The following ENDOD1 variants were observed in gnomAD, a reference collection of about 807,000 sequenced individuals.
ENDOD1 encodes endonuclease domain containing 1, also known as endonuclease domain-containing 1 protein.
Under a neutral mutation model 6.5 loss-of-function variants are expected in ENDOD1, and 9 were observed. The observed-to-expected ratio is 1.39, with a 90% CI of 0.84 to 2.43. The LOEUF (loss-of-function observed/expected upper bound fraction) is 2.43. Ranked by LOEUF, ENDOD1 falls within the 30% of genes most tolerant of loss-of-function variation. The pLI, the probability that ENDOD1 is intolerant of heterozygous loss-of-function variation, is 0.00. For missense variants in ENDOD1, 648 were observed against 635.5 expected, an observed-to-expected ratio of 1.02 and a Z score of -0.21; for synonymous variants, 255 against 255.2, an observed-to-expected ratio of 1.00 and a Z score of 0.01.
In ENDOD1 at chr11:95,129,805, C is replaced by G; in HGVS notation, c.*226C>G. 1.9e-6 allele frequency: 1 copy of G among 520,108 alleles called. No homozygotes were observed. Among genetic ancestry groups the G allele is most frequent in the Non-Finnish European group, 3.4e-6 (1 of 291,756 alleles). 32.2% of individuals were successfully genotyped at this position (520,108 alleles called of 1,614,324 possible). ...TGCTGTTTACCTCCAGTTATATGTG[C>G]AAACTCCCAAGCCACTAATAACTTC... On this transcript the variant is annotated 3_prime_UTR_variant, in exon 2 of 2. Transcript: ENST00000278505.
At chr11:95,128,193 A>G (rs1859330183) in intron 1 of ENDOD1, among the ~76,000 whole-genome samples, 184 bp from the exon 2 acceptor site, 1 of 152,230 alleles carries the variant, frequency 6.6e-6, no homozygotes, top group Admixed American at 6.5e-5. Flanking sequence ...AGATGCTTTG[A>G]AACACCAGGA....
chr11:95,111,525 A>G (rs1555111936), intron 1 of ENDOD1, among the ~76,000 whole-genome samples: 4 of 151,960 alleles, frequency 2.6e-5, no homozygotes, highest in Non-Finnish European at 2.9e-5. Context: ...AGATGGTCCC[A>G]TCTGGGGGTG....
Position 95,129,386 on chromosome 11 carries a change from T to C in ENDOD1, c.1310T>C (p.Val437Ala). 4 of 1,614,220 alleles carry C rather than the reference T, an allele frequency of 2.5e-6. No individual in the cohort carries two copies. In the South Asian group the frequency reaches 4.4e-5, roughly 18 times the overall value. ...ATCCCTGTCCGTGTCCTTGTGGATG[T>C]GGCCACTTTCCCTGTGTACACCATG... ...LSIPVRVLVD[V>A]ATFPVYTMGA... The change falls in exon 2 of 2, where the codon GTG (valine) becomes GCG (alanine). Residue 437 changes from valine to alanine, a missense_variant. Val to Ala is a moderately conservative substitution (Grantham distance 64). Coordinates refer to ENST00000278505, the MANE Select transcript of ENDOD1 (RefSeq NM_015036.3).
chr11:95,100,214 C>A (rs1859024676), intron 1 of ENDOD1, among the ~76,000 whole-genome samples: 1 of 152,092 alleles, frequency 6.6e-6, no homozygotes, highest in Non-Finnish European at 1.5e-5. Context: ...ACTCTAGGGC[C>A]CAAGTTCCCA....
At chr11:95,096,454 T>C (rs1555110343) in intron 1 of ENDOD1, among the ~76,000 whole-genome samples, 1 of 152,182 alleles carries the variant, frequency 6.6e-6, no homozygotes, top group East Asian at 1.9e-4. Flanking sequence ...ATTCCAGTCA[T>C]GCTTCATTGA....
Position 95,131,065 on chromosome 11 carries a change from A to C in ENDOD1, c.*1486A>C, listed in dbSNP as rs1204307704. On this transcript the variant is annotated 3_prime_UTR_variant, in exon 2 of 2. Transcript: ENST00000278505. ...CATTTGCATGGGGTCGATGGATGAG[A>C]AACATGAGCGTAGCAAGAGTTACAT... The C allele has an allele frequency of 6.6e-6, 1 of 152,252 alleles. No individual in the cohort carries two copies. The highest frequency in any genetic ancestry group is 1.5e-5 in the Non-Finnish European group (1 of 68,050). 9.4% of individuals were successfully genotyped at this position (152,252 alleles called of 1,614,324 possible).
chr11:95,115,533 A>G (rs1780478190), intron 1 of ENDOD1, among the ~76,000 whole-genome samples: 1 of 152,102 alleles, frequency 6.6e-6, no homozygotes, highest in Non-Finnish European at 1.5e-5. Context: ...CTTCCTAGCT[A>G]TGTTGCATAA....
At position 95,110,864 on chromosome 11, in the gene ENDOD1, A is replaced by G. The variant is rs1859142530; in HGVS notation, c.301-17513A>G. ...TTCTGGCCCTGTGGGATCCTCTGTC[A>G]CATCAAAACACTTGCACAAGGTTGA... On this transcript the variant is annotated intron_variant, in intron 1 of 1. Coordinates refer to ENST00000278505, the MANE Select transcript of ENDOD1 (RefSeq NM_015036.3). 2.6e-5 allele frequency among the ~76,000 whole-genome samples: 4 copies of G among 152,190 alleles called. No homozygotes were observed. The South Asian group carries it at 8.3e-4, about 32-fold the overall frequency.
intron 1 of ENDOD1, among the ~76,000 whole-genome samples, chr11:95,110,583 ATGTGTGTG>A (rs35270641): frequency 1.4e-5 from 2 of 147,688 alleles, no homozygotes; most frequent in Admixed American, 6.8e-5. Flanking sequence ...CCGTGTATGT[ATGTGTGTG>A]TGTGTGTGTG....
intron 1 of ENDOD1, among the ~76,000 whole-genome samples, chr11:95,097,824 C>T (rs1190460815): frequency 6.6e-6 from 1 of 152,000 alleles, no homozygotes; most frequent in Non-Finnish European, 1.5e-5. Context: ...AGGGTTTGGG[C>T]CTGAATAATC....
At chr11:95,119,158 TG>T (rs1365705704) in intron 1 of ENDOD1, among the ~76,000 whole-genome samples, 2 of 152,236 alleles carry the variant, frequency 1.3e-5, no homozygotes, top group African/African-American at 4.8e-5. Flanking sequence ...TCTCCAGGAT[TG>T]GTCCCTGGTG....
intron 1 of ENDOD1, among the ~76,000 whole-genome samples, chr11:95,104,219 G>C (rs759780394): frequency 1.3e-4 from 20 of 152,168 alleles, no homozygotes; most frequent in Non-Finnish European, 2.4e-4. Context: ...AAAGACCAAG[G>C]CTGGTGGATT....
At chr11:95,099,920 C>G (rs1345857682) in intron 1 of ENDOD1, among the ~76,000 whole-genome samples, 1 of 152,036 alleles carries the variant, frequency 6.6e-6, no homozygotes, top group Admixed American at 6.6e-5. Flanking sequence ...AATAGGAACC[C>G]CATAATGAAA....
At chr11:95,109,828 C>T (rs1166738022) in intron 1 of ENDOD1, among the ~76,000 whole-genome samples, 22 of 152,272 alleles carry the variant, frequency 1.4e-4, no homozygotes, top group Non-Finnish European at 1.5e-5. Flanking sequence ...CTCTTCACAT[C>T]AGCGGTGCCA....
At chr11:95,121,492 G>A (rs1859261633) in intron 1 of ENDOD1, among the ~76,000 whole-genome samples, 1 of 152,210 alleles carries the variant, frequency 6.6e-6, no homozygotes, top group Non-Finnish European at 1.5e-5. Flanking sequence ...TCCTCTTGCA[G>A]TGCTAGTCAT....
At chr11:95,115,531 C>A (rs1859200054) in intron 1 of ENDOD1, among the ~76,000 whole-genome samples, 1 of 152,004 alleles carries the variant, frequency 6.6e-6, no homozygotes, top group Admixed American at 6.6e-5. Context: ...AACTTCCTAG[C>A]TATGTTGCAT....
In ENDOD1 at chr11:95,128,891, C is replaced by T; in HGVS notation, c.815C>T (p.Thr272Ile). Residue 272 changes from threonine (T) to isoleucine (I), a missense_variant, in exon 2 of 2, where the codon ACT (threonine) becomes ATT (isoleucine). Coordinates refer to ENST00000278505, the MANE Select transcript of ENDOD1 (RefSeq NM_015036.3). ...PQLFQNNCGE[T>I]EQDTEKMKKI... ...CTGTTTCAGAACAACTGTGGTGAAA[C>T]TGAGCAAGACACAGAGAAAATGAAA... 1 of 1,614,066 alleles carries T rather than the reference C, an allele frequency of 6.2e-7. No individual in the cohort carries two copies. Among genetic ancestry groups the T allele is most frequent in the African/African-American group, 1.3e-5 (1 of 75,010 alleles).
chr11:95,124,808 A>C (rs931477765), intron 1 of ENDOD1, among the ~76,000 whole-genome samples: 1 of 152,190 alleles, frequency 6.6e-6, no homozygotes. Flanking sequence ...GAGGATGCAG[A>C]AACACCCAGC....
chr11:95,101,825 A>G (rs567980171), intron 1 of ENDOD1, among the ~76,000 whole-genome samples: 88 of 152,222 alleles, frequency 5.8e-4, no homozygotes, highest in Non-Finnish European at 1.0e-3. Context: ...GTGAGTTTGC[A>G]CATAAATGTG....
Sources: gnomAD v4.1 joint callset for allele counts (sites outside exome capture counted in the v4.1 genomes callset) on GRCh38, gnomAD v4.1.1 for gene constraint, MANE v1.5 for transcripts, NCBI Gene and HGNC (gene_info 2026-07-23, HGNC 2026-07-21) for gene names.